Variants in NAA20 observed in about 807,000 individuals in gnomAD.
NAA20 encodes the protein N-alpha-acetyltransferase 20.
A neutral mutation model predicts 23.8 loss-of-function variants in NAA20; 24 were observed. The ratio of observed to expected loss-of-function variants is 1.01; its 90% CI spans 0.73 to 1.42. The LOEUF (loss-of-function observed/expected upper bound fraction) is 1.42. Among genes scored for constraint, NAA20 ranks in the 40% most tolerant of loss-of-function variants. The pLI is 0.00. For missense variants in NAA20, 166 were observed against 223.1 expected (o/e 0.74, Z 1.63); for synonymous variants, 83 against 77.7 (o/e 1.07, Z -0.36).
In NAA20 at chr20:20,031,340, T is replaced by C. The variant is rs144813604; in HGVS notation, c.306-1168T>C. Among the ~76,000 whole-genome samples, 491 of 152,252 alleles carry C rather than the reference T, an allele frequency of 3.2e-3. 1 individual carries two copies. Among genetic ancestry groups the C allele is most frequent in the African/African-American group, 0.011 (449 of 41,536 alleles). On this transcript the variant is annotated intron_variant, in intron 4 of 5. Coordinates refer to ENST00000334982, the MANE Select transcript of NAA20 (RefSeq NM_016100.5). ...GCATTGCACATCAATAGTATGAAGATAGACTTTTCAGTAAAGGTGGTTGGA... is the reference window on the plus strand; with the variant it reads ...GCATTGCACATCAATAGTATGAAGACAGACTTTTCAGTAAAGGTGGTTGGA...
chr20:20,031,866 C>T (rs200179), intron 4 of NAA20, among the ~76,000 whole-genome samples: 7,629 of 152,206 alleles, frequency 0.05, 605 homozygotes, highest in African/African-American at 0.17. Flanking sequence ...ATGTGATGCA[C>T]CAAGCCTTGT....
intron 4 of NAA20, among the ~76,000 whole-genome samples, chr20:20,028,963 T>C (rs2043324547): frequency 6.6e-6 from 1 of 152,174 alleles, no homozygotes; most frequent in Non-Finnish European, 1.5e-5. Context: ...GGGGTCTTGC[T>C]CTGTTGCTCA....
intron 3 of NAA20, 65 bp downstream of exon 3, chr20:20,025,832 T>G (rs951159215): frequency 9.9e-7 from 1 of 1,005,070 alleles, no homozygotes; most frequent in Non-Finnish European, 1.6e-6. Flanking sequence ...TTCAACTGAT[T>G]GCTTTAGACT....
At chr20:20,021,469 A>ATTTTG (rs1315926371) in intron 1 of NAA20, among the ~76,000 whole-genome samples, 1 of 151,958 alleles carries the variant, frequency 6.6e-6, no homozygotes, top group African/African-American at 2.4e-5. Flanking sequence ...TTGTCACTGG[A>ATTTTG]TTTTGTTTTG....
intron 4 of NAA20, among the ~76,000 whole-genome samples, chr20:20,029,616 CAAA>C (rs59199004): frequency 0.013 from 1,583 of 125,382 alleles, 19 homozygotes; most frequent in African/African-American, 0.043. Flanking sequence ...GACTCCATCT[CAAA>C]AAAAAAAAAA....
intron 1 of NAA20, chr20:20,018,417 T>G (rs1400502898): frequency 4.3e-6 from 1 of 230,888 alleles, no homozygotes; most frequent in Non-Finnish European, 8.8e-6. Context: ...AAGGACAAAG[T>G]GGTTCCGATT....
chr20:20,032,622 C>T lies in NAA20; in HGVS notation c.420C>T (p.Ala140=). The change falls in exon 5 of 6, where the codon GCC becomes GCT. Residue 140 remains alanine (A), a synonymous_variant. Coordinates refer to ENST00000334982, the MANE Select transcript of NAA20 (RefSeq NM_016100.5). ...VYRTVIEYYS[A]SNGEPDEDAY... The stretch of plus-strand genomic sequence containing the variant: ...GGACGGTCATAGAGTACTATTCGGC[C>T]AGCAACGGGGAGCCTGATGAGGACG... 3 of 1,606,124 alleles carry T rather than the reference C, an allele frequency of 1.9e-6. No individual in the cohort carries two copies. The highest frequency in any genetic ancestry group is 1.1e-5 in the South Asian group (1 of 88,998).
intron 5 of NAA20, 59 bp downstream of exon 5, chr20:20,032,712 A>G: frequency 6.7e-7 from 1 of 1,495,900 alleles, no homozygotes; most frequent in Non-Finnish European, 8.9e-7. Flanking sequence ...TTCTTTCTAC[A>G]GATTGTAGTA....
At chr20:20,018,252 A>G (rs2043245072) in intron 1 of NAA20, 1 of 610,368 alleles carries the variant, frequency 1.6e-6, no homozygotes, top group Non-Finnish European at 2.8e-6. Context: ...ATTCCCACAC[A>G]TTTAGAAAAG....
intron 1 of NAA20, chr20:20,018,240 A>C: frequency 1.6e-6 from 1 of 631,740 alleles, no homozygotes; most frequent in Non-Finnish European, 2.7e-6. Flanking sequence ...TTTATTATGA[A>C]GATTCCCACA....
intron 1 of NAA20, chr20:20,017,786 C>G (rs1030351589): frequency 6.9e-7 from 1 of 1,440,112 alleles, no homozygotes; most frequent in East Asian, 2.5e-5. Flanking sequence ...GAGCTGGAGA[C>G]GCGGCCTGGA....
chr20:20,030,470 C>T (rs1601131950), intron 4 of NAA20, among the ~76,000 whole-genome samples: 1 of 152,194 alleles, frequency 6.6e-6, no homozygotes, highest in East Asian at 1.9e-4. Flanking sequence ...AGTAGTGATA[C>T]ACTGAATGCT....
chr20:20,031,177 A>C (rs553060662), intron 4 of NAA20, among the ~76,000 whole-genome samples: 29 of 152,300 alleles, frequency 1.9e-4, no homozygotes, highest in East Asian at 1.2e-3. Context: ...ACAACAACAA[A>C]AATGGGTGAT....
In NAA20 at chr20:20,022,605, A is replaced by G. The variant is rs1045087787; in HGVS notation, c.78+125A>G. On this transcript the variant is annotated intron_variant, in intron 2 of 5. Coordinates refer to ENST00000334982, the MANE Select transcript of NAA20 (RefSeq NM_016100.5). Reference sequence around the variant, plus strand: ...AACTTGTAGGTCAGGAAACATCATAAGCAACACTGAAAGCAATTTTAAAAA... The same window carrying G: ...AACTTGTAGGTCAGGAAACATCATAGGCAACACTGAAAGCAATTTTAAAAA... The G allele has an allele frequency of 1.2e-5, 9 of 743,512 alleles. No individual in the cohort carries two copies. The African/African-American group carries it at 1.6e-4, about 14-fold the overall frequency. 46.1% of individuals were successfully genotyped at this position (743,512 alleles called of 1,614,324 possible). A position where few individuals can be genotyped will look rare whatever the true frequency, so the allele number is the denominator to read the frequency against.
At position 20,032,613 on chromosome 20, in the gene NAA20, C is replaced by T; in HGVS notation, c.411C>T (p.Tyr137=). ...GTGTATATAGGACGGTCATAGAGTACTATTCGGCCAGCAACGGGGAGCCTG... is the reference window on the plus strand; with the variant it reads ...GTGTATATAGGACGGTCATAGAGTATTATTCGGCCAGCAACGGGGAGCCTG... ...GYSVYRTVIE[Y]YSASNGEPDE... is the part of the protein sequence containing the mutation. Residue 137 remains tyrosine, a synonymous_variant, in exon 5 of 6, where the codon TAC becomes TAT. Transcript: ENST00000334982. 1.9e-6 allele frequency: 3 copies of T among 1,608,904 alleles called. No homozygotes were observed. The South Asian group carries it at 3.3e-5, about 18-fold the overall frequency.
chr20:20,017,806 C>G, intron 1 of NAA20: 2 of 1,459,974 alleles, frequency 1.4e-6, no homozygotes, highest in East Asian at 4.9e-5. Context: ...AGCCCACGAC[C>G]TGGGCTTCTC....
At chr20:20,024,042 A>T (rs1269094541) in intron 2 of NAA20, among the ~76,000 whole-genome samples, 1 of 152,208 alleles carries the variant, frequency 6.6e-6, no homozygotes, top group Non-Finnish European at 1.5e-5. Context: ...CACGCTGATT[A>T]ATTTATATTT....
Position 20,033,263 on chromosome 20 carries a change from C to A in NAA20, c.*76C>A. The A allele has an allele frequency of 8.4e-7, 1 of 1,190,310 alleles. No individual in the cohort carries two copies. The highest frequency in any genetic ancestry group is 1.2e-6 in the Non-Finnish European group (1 of 819,866). The allele number at this position is 1,190,310 out of a possible 1,614,324, so 73.7% of individuals were successfully genotyped here. A position where few individuals can be genotyped will look rare whatever the true frequency, so the allele number is the denominator to read the frequency against. On this transcript the variant is annotated 3_prime_UTR_variant, in exon 6 of 6. Transcript: ENST00000334982. Reference sequence around the variant, plus strand: ...TTATTTTCATTGGATGATTCTGGAGCTCTATTAGGAGAAAAGTAATCATTT... The same window carrying A: ...TTATTTTCATTGGATGATTCTGGAGATCTATTAGGAGAAAAGTAATCATTT...
At chr20:20,031,895 TACTC>T (rs958559103) in intron 4 of NAA20, among the ~76,000 whole-genome samples, 4 of 152,232 alleles carry the variant, frequency 2.6e-5, no homozygotes, top group African/African-American at 9.6e-5. Flanking sequence ...AATGGAGGCT[TACTC>T]ACTTCTGTGC....
Sources: gnomAD v4.1 joint callset for allele counts (sites outside exome capture counted in the v4.1 genomes callset) on GRCh38, gnomAD v4.1.1 for gene constraint, MANE v1.5 for transcripts, NCBI Gene and HGNC (gene_info 2026-07-23, HGNC 2026-07-21) for gene names.